Variants in CDKAL1 observed in about 807,000 individuals in gnomAD.
The protein encoded by CDKAL1 is CDKAL1 threonylcarbamoyladenosine tRNA methylthiotransferase.
CDKAL1 carries 32 observed loss-of-function variants against 68.2 expected under a neutral mutation model. The observed-to-expected ratio is 0.47, with a 90% confidence interval of 0.35 to 0.63. CDKAL1 has a LOEUF of 0.63. Among genes scored for constraint, CDKAL1 ranks in the 30% least tolerant of loss-of-function variants. The pLI, the probability that CDKAL1 is intolerant of heterozygous loss-of-function variation, is 0.00. For synonymous variants in CDKAL1, 234 were observed against 244.3 expected (o/e 0.96, Z 0.39); for missense variants, 606 against 696.7 (o/e 0.87, Z 1.47).
intron 11 of CDKAL1, among the ~76,000 whole-genome samples, chr6:21,050,614 T>C (rs1018743953): frequency 6.6e-6 from 1 of 151,972 alleles, no homozygotes; most frequent in Non-Finnish European, 1.5e-5. Flanking sequence ...TTTGTGACTA[T>C]GCAAAAAAGG....
intron 9 of CDKAL1, among the ~76,000 whole-genome samples, chr6:20,847,708 TA>T (rs1312192764): frequency 6.6e-6 from 1 of 152,226 alleles, no homozygotes; most frequent in African/African-American, 2.4e-5. Flanking sequence ...TTCATGGCTT[TA>T]TATGGACACA....
chr6:21,197,014 C>T (rs1056414623), intron 13 of CDKAL1, among the ~76,000 whole-genome samples: 4 of 152,144 alleles, frequency 2.6e-5, no homozygotes, highest in African/African-American at 4.8e-5. Context: ...AAAAATTAGC[C>T]GGGCATAGTG....
In CDKAL1 at chr6:20,998,709, A is replaced by T. The variant is rs559924824; in HGVS notation, c.910-1518A>T. On this transcript the variant is annotated intron_variant, in intron 10 of 15. Transcript: ENST00000274695. ...GTGTATCCAGCTGCTTTTCTACTAA[A>T]TAAGAAATTCTTCAACTCCAATTCC... Among the ~76,000 whole-genome samples, 19 of 152,346 alleles carry T rather than the reference A, an allele frequency of 1.2e-4. No individual in the cohort carries two copies. In the South Asian group the frequency reaches 3.7e-3, roughly 30 times the overall value.
intron 4 of CDKAL1, among the ~76,000 whole-genome samples, chr6:20,610,514 A>G (rs1189816683): frequency 2.7e-5 from 4 of 149,402 alleles, no homozygotes; most frequent in Non-Finnish European, 5.9e-5. Context: ...TTTTTGAAGT[A>G]GTGACAACTT....
At chr6:20,769,362 G>A (rs1395354317) in intron 7 of CDKAL1, among the ~76,000 whole-genome samples, 2 of 148,184 alleles carry the variant, frequency 1.3e-5, no homozygotes, top group African/African-American at 5.0e-5. Flanking sequence ...AGGTTCAAGC[G>A]ATTCTTGTGC....
At chr6:21,097,515 C>A (rs2150979090) in intron 12 of CDKAL1, among the ~76,000 whole-genome samples, 1 of 152,052 alleles carries the variant, frequency 6.6e-6, no homozygotes, top group East Asian at 1.9e-4. Flanking sequence ...AACCTAGTGC[C>A]TAATATATGT....
chr6:20,678,639 A>G (rs1770234909), intron 5 of CDKAL1, among the ~76,000 whole-genome samples: 1 of 152,098 alleles, frequency 6.6e-6, no homozygotes, highest in African/African-American at 2.4e-5. Flanking sequence ...TTTATACTAC[A>G]GTTGTTTCGC....
At chr6:20,985,895 C>T (rs1001733171) in intron 10 of CDKAL1, among the ~76,000 whole-genome samples, 3 of 151,326 alleles carry the variant, frequency 2.0e-5, no homozygotes, top group Non-Finnish European at 4.4e-5. Context: ...TCTTCTTTTA[C>T]CTTCTTTCTC....
chr6:21,090,471 T>C (rs1772940239), intron 12 of CDKAL1, among the ~76,000 whole-genome samples: 1 of 152,238 alleles, frequency 6.6e-6, no homozygotes, highest in Non-Finnish European at 1.5e-5. Flanking sequence ...TAAAATCCAT[T>C]GTGCTTAGAA....
intron 4 of CDKAL1, among the ~76,000 whole-genome samples, chr6:20,643,521 A>G (rs2328531): frequency 0.71 from 107,549 of 151,962 alleles, 38,910 homozygotes; most frequent in African/African-American, 0.86. Flanking sequence ...CTCGTAGTTG[A>G]TGGCATCTTA....
intron 4 of CDKAL1, among the ~76,000 whole-genome samples, chr6:20,641,457 A>G (rs1768169716): frequency 6.6e-6 from 1 of 152,230 alleles, no homozygotes. Context: ...AAAGATGCAC[A>G]TGAATACAAT....
chr6:20,788,943 A>T (rs10498698), intron 8 of CDKAL1, among the ~76,000 whole-genome samples: 4 of 152,104 alleles, frequency 2.6e-5, no homozygotes, highest in African/African-American at 9.6e-5. Context: ...CACAGTATTC[A>T]CTCCATAAAT....
At chr6:21,094,879 AACTT>A (rs1773240506) in intron 12 of CDKAL1, among the ~76,000 whole-genome samples, 1 of 152,242 alleles carries the variant, frequency 6.6e-6, no homozygotes, top group Non-Finnish European at 1.5e-5. Context: ...ACATTGATTA[AACTT>A]ACTTTAAGCA....
At chr6:20,908,591 A>C (rs965811136) in intron 9 of CDKAL1, among the ~76,000 whole-genome samples, 1 of 152,218 alleles carries the variant, frequency 6.6e-6, no homozygotes, top group African/African-American at 2.4e-5. Context: ...ATTATTTATA[A>C]AAATTAAAAA....
At chr6:21,214,586 G>T (rs1779276501) in intron 15 of CDKAL1, among the ~76,000 whole-genome samples, 1 of 151,876 alleles carries the variant, frequency 6.6e-6, no homozygotes, top group Non-Finnish European at 1.5e-5. Flanking sequence ...CTTCATTCAG[G>T]TCTCTGCTGA....
intron 9 of CDKAL1, among the ~76,000 whole-genome samples, chr6:20,880,896 G>A (rs908926275): frequency 1.3e-5 from 2 of 152,200 alleles, no homozygotes; most frequent in African/African-American, 4.8e-5. Context: ...TGGCTTGAAT[G>A]TGTTGGGTTT....
At chr6:20,832,190 G>A (rs1777746082) in intron 8 of CDKAL1, among the ~76,000 whole-genome samples, 1 of 152,024 alleles carries the variant, frequency 6.6e-6, no homozygotes, top group Non-Finnish European at 1.5e-5. Context: ...CAAGTAATAA[G>A]TCATTAGCAA....
intron 4 of CDKAL1, among the ~76,000 whole-genome samples, chr6:20,619,170 C>T (rs1767065200): frequency 6.6e-6 from 1 of 152,106 alleles, no homozygotes; most frequent in Admixed American, 6.5e-5. Context: ...CAGATGTATC[C>T]TCAGATTTGT....
intron 4 of CDKAL1, among the ~76,000 whole-genome samples, chr6:20,599,083 G>A (rs1414928852): frequency 6.6e-6 from 1 of 151,880 alleles, no homozygotes; most frequent in Non-Finnish European, 1.5e-5. Context: ...AAAATATAAA[G>A]GCAAAAGTTT....
Sources: allele counts gnomAD v4.1 joint callset (sites outside exome capture counted in the v4.1 genomes callset), GRCh38; gene constraint gnomAD v4.1.1; transcripts MANE v1.5; gene names NCBI Gene and HGNC (gene_info 2026-07-23, HGNC 2026-07-21).